The following GRID1 variants were observed in gnomAD, a reference collection of about 807,000 sequenced individuals.
GRID1 encodes the protein glutamate ionotropic receptor delta type subunit 1, also known as glutamate receptor ionotropic, delta-1.
A neutral mutation model predicts 98.0 loss-of-function variants in GRID1; 28 were observed. That is an observed-to-expected ratio of 0.29 (90% CI 0.21 to 0.39). The LOEUF is 0.39. Ranked by LOEUF, GRID1 falls within the 10% of genes least tolerant of loss-of-function variation. The pLI is 1.00. For synonymous variants in GRID1, 553 were observed against 538.5 expected (o/e 1.03, Z -0.37); for missense variants, 1,111 against 1,340.5 (o/e 0.83, Z 2.67).
intron 4 of GRID1, among the ~76,000 whole-genome samples, chr10:86,067,627 G>A (rs557572157): frequency 6.6e-6 from 1 of 152,158 alleles, no homozygotes; most frequent in African/African-American, 2.4e-5. Context: ...CTCCACCACC[G>A]GGTGTGCCCA....
chr10:86,041,028 C>G (rs1399127898), intron 4 of GRID1, among the ~76,000 whole-genome samples: 8 of 152,306 alleles, frequency 5.3e-5, no homozygotes. Context: ...CTCTCCTCTC[C>G]TGCGCAGTTC....
chr10:85,664,449 T>C (rs1840997852), intron 12 of GRID1, among the ~76,000 whole-genome samples: 1 of 152,218 alleles, frequency 6.6e-6, no homozygotes, highest in Non-Finnish European at 1.5e-5. Flanking sequence ...TAACCTTACA[T>C]CTCAGACTTT....
intron 11 of GRID1, among the ~76,000 whole-genome samples, chr10:85,723,885 A>G (rs1179706272): frequency 2.0e-5 from 3 of 152,250 alleles, no homozygotes; most frequent in Non-Finnish European, 4.4e-5. Flanking sequence ...GCACAATCCT[A>G]TAACTCACTA....
At chr10:86,345,767 G>A (rs569311014) in intron 2 of GRID1, among the ~76,000 whole-genome samples, 3 of 152,150 alleles carry the variant, frequency 2.0e-5, no homozygotes, top group African/African-American at 7.2e-5. Context: ...ATGCTCAGGG[G>A]TTCAGTCCTG....
intron 4 of GRID1, among the ~76,000 whole-genome samples, chr10:85,999,616 T>C (rs1045846815): frequency 6.6e-6 from 1 of 152,206 alleles, no homozygotes; most frequent in Admixed American, 6.5e-5. Flanking sequence ...AAAATTAATA[T>C]GTCATGGCCA....
chr10:85,743,334 A>G (rs1359549687), intron 8 of GRID1, among the ~76,000 whole-genome samples: 1 of 152,158 alleles, frequency 6.6e-6, no homozygotes, highest in Non-Finnish European at 1.5e-5. Context: ...TCATTGAGTG[A>G]CTTTAGTTAA....
At chr10:85,898,307 G>T (rs1371776109) in intron 5 of GRID1, among the ~76,000 whole-genome samples, 2 of 152,192 alleles carry the variant, frequency 1.3e-5, no homozygotes. Context: ...TGCTCTGGGT[G>T]AGTTAGTGGG....
intron 3 of GRID1, among the ~76,000 whole-genome samples, chr10:86,142,589 T>A (rs979553652): frequency 1.3e-5 from 2 of 152,256 alleles, no homozygotes; most frequent in African/African-American, 4.8e-5. Flanking sequence ...CCCTGAGACC[T>A]GTCATTTACA....
intron 8 of GRID1, among the ~76,000 whole-genome samples, chr10:85,752,458 T>C (rs1319639511): frequency 1.3e-5 from 2 of 152,298 alleles, no homozygotes; most frequent in East Asian, 3.9e-4. Flanking sequence ...ACATATTGTG[T>C]ATATTACAAA....
intron 2 of GRID1, among the ~76,000 whole-genome samples, chr10:86,288,239 C>T (rs2814362): frequency 0.04 from 6,070 of 152,314 alleles, 239 homozygotes; most frequent in Admixed American, 0.11. Context: ...AAGAGTCCCT[C>T]ATGTCTCCTG....
intron 2 of GRID1, among the ~76,000 whole-genome samples, chr10:86,225,907 A>G (rs1846334871): frequency 6.6e-6 from 1 of 152,138 alleles, no homozygotes; most frequent in Non-Finnish European, 1.5e-5. Flanking sequence ...TGTGAGCATC[A>G]GGTCACCATC....
chr10:86,084,474 G>A (rs968660555), intron 4 of GRID1, among the ~76,000 whole-genome samples: 8 of 152,064 alleles, frequency 5.3e-5, no homozygotes, highest in African/African-American at 1.4e-4. Context: ...AAAACAGTAC[G>A]GCAATTCCTC....
At chr10:86,060,298 C>T (rs935515724) in intron 4 of GRID1, among the ~76,000 whole-genome samples, 1 of 152,178 alleles carries the variant, frequency 6.6e-6, no homozygotes, top group Non-Finnish European at 1.5e-5. Flanking sequence ...TATAGGATTT[C>T]CCCACTGGGA....
At chr10:86,020,129 C>A (rs1052439833) in intron 4 of GRID1, among the ~76,000 whole-genome samples, 1 of 152,254 alleles carries the variant, frequency 6.6e-6, no homozygotes, top group African/African-American at 2.4e-5. Context: ...TCTGCACACT[C>A]CCCTCAGAGG....
chr10:86,089,630 T>A (rs1844115184), intron 4 of GRID1, among the ~76,000 whole-genome samples: 1 of 152,160 alleles, frequency 6.6e-6, no homozygotes, highest in Non-Finnish European at 1.5e-5. Flanking sequence ...TGACAAAAAT[T>A]TTTAAACAGC....
At chr10:85,714,923 T>C (rs1841621116) in intron 12 of GRID1, among the ~76,000 whole-genome samples, 1 of 152,130 alleles carries the variant, frequency 6.6e-6, no homozygotes, top group Admixed American at 6.5e-5. Flanking sequence ...AAAAGTCCTC[T>C]GAATACCAAT....
chr10:86,364,023 G>T lies in GRID1; in HGVS notation c.153C>A (p.Asn51Lys). The part of the protein sequence containing the change: ...FQLAVSDLSL[N>K]DDILQSEKIT... ...TCTTCTCGCTCTGCAGGATGTCATC[G>T]TTGAGGCTCAGGTCGGATACCGCCA... is the stretch of plus-strand genomic sequence containing the variant. Residue 51 changes from asparagine to lysine, a missense_variant, in exon 2 of 16, where the codon AAC becomes AAA. By Grantham distance (94) the Asn-to-Lys change is moderately conservative. Around this residue, in one of 3 missense-constraint regions of GRID1, gnomAD observed 346 missense variants for 452.3 expected, o/e 0.76. Transcript: ENST00000327946. 6.2e-7 allele frequency: 1 copy of T among 1,613,758 alleles called. No homozygotes were observed. The highest frequency in any genetic ancestry group is 8.5e-7 in the Non-Finnish European group (1 of 1,179,610).
intron 8 of GRID1, among the ~76,000 whole-genome samples, chr10:85,844,164 G>T (rs1033026635): frequency 1.3e-5 from 2 of 151,820 alleles, no homozygotes; most frequent in Non-Finnish European, 2.9e-5. Flanking sequence ...GTTAGAAAAA[G>T]CCAATAAAAA....
chr10:85,827,441 G>C (rs1241885322), intron 8 of GRID1, among the ~76,000 whole-genome samples: 1 of 152,066 alleles, frequency 6.6e-6, no homozygotes, highest in Admixed American at 6.6e-5. Context: ...GACAGACAGA[G>C]AGAGAATTAA....
Sources: allele counts gnomAD v4.1 joint callset (sites outside exome capture counted in the v4.1 genomes callset), GRCh38; gene constraint gnomAD v4.1.1; regional missense constraint gnomAD v4.1.1; transcripts MANE v1.5; gene names NCBI Gene and HGNC (gene_info 2026-07-23, HGNC 2026-07-21).